TBCEL: variants seen among roughly 807,000 people sequenced by gnomAD.
The protein encoded by TBCEL is tubulin folding cofactor E like, also known as tubulin-specific chaperone cofactor E-like protein.
TBCEL carries 15 observed loss-of-function variants against 44.2 expected under a neutral mutation model. The observed-to-expected ratio is 0.34, with a 90% confidence interval of 0.23 to 0.52. TBCEL has a LOEUF of 0.52. Among genes scored for constraint, TBCEL ranks in the 20% least tolerant of loss-of-function variants. The pLI is 0.95. For synonymous variants in TBCEL, 171 were observed against 185.4 expected (o/e 0.92, Z 0.63); for missense variants, 319 against 506.3 (o/e 0.63, Z 3.55).
intron 8 of TBCEL, among the ~76,000 whole-genome samples, chr11:121,074,407 C>A (rs1227375773): frequency 6.6e-6 from 1 of 151,920 alleles, no homozygotes; most frequent in African/African-American, 2.4e-5. Context: ...TCTATGTTTT[C>A]TTTTTCATTT....
chr11:121,062,876 C>G (rs1175300281), intron 8 of TBCEL, among the ~76,000 whole-genome samples: 1 of 152,196 alleles, frequency 6.6e-6, no homozygotes, highest in Non-Finnish European at 1.5e-5. Flanking sequence ...ACATGCTGGA[C>G]TTTACCACTG....
At chr11:121,025,549 A>G (rs116383775) in intron 1 of TBCEL, among the ~76,000 whole-genome samples, 1,519 of 151,740 alleles carry the variant, frequency 0.01, 20 homozygotes, top group African/African-American at 0.03. Flanking sequence ...ATTATATTCC[A>G]CCCTCTTGCA....
chr11:121,059,509 A>G (rs1289935731), intron 7 of TBCEL, among the ~76,000 whole-genome samples: 1 of 151,952 alleles, frequency 6.6e-6, no homozygotes, highest in East Asian at 1.9e-4. Context: ...GATTTCAAAT[A>G]TTTTATATGA....
chr11:121,084,514 A>T (rs1049956765), intron 8 of TBCEL, among the ~76,000 whole-genome samples: 2 of 151,966 alleles, frequency 1.3e-5, no homozygotes, highest in Non-Finnish European at 2.9e-5. Flanking sequence ...TTGCTGTGAT[A>T]TGCGCTCAGT....
chr11:121,086,880 G>A lies in TBCEL; in HGVS notation c.1059G>A (p.Gln353=). ...AAGTAGAAGTCCACTTTAACGATCA[G>A]GTGGAAGAAATGAGCATTCGTCTGG... ...SAKVEVHFND[Q]VEEMSIRLDQ... The change falls in exon 9 of 9, where the codon CAG becomes CAA. Residue 353 remains glutamine, a synonymous_variant. Transcript: ENST00000683345. The A allele has an allele frequency of 6.2e-7, 1 of 1,614,034 alleles. No individual in the cohort carries two copies. Among genetic ancestry groups the A allele is most frequent in the South Asian group, 1.1e-5 (1 of 91,080 alleles).
chr11:121,037,026 G>A (rs941658522), intron 2 of TBCEL, among the ~76,000 whole-genome samples: 6 of 152,162 alleles, frequency 3.9e-5, no homozygotes, highest in African/African-American at 1.4e-4. Context: ...ATGGCTGATT[G>A]ATAGCATAAT....
chr11:121,050,991 A>G (rs553333616), intron 4 of TBCEL, among the ~76,000 whole-genome samples: 53 of 151,746 alleles, frequency 3.5e-4, no homozygotes, highest in Non-Finnish European at 6.9e-4. Flanking sequence ...TTTTTCTGTC[A>G]TAAGTAAATT....
intron 6 of TBCEL, among the ~76,000 whole-genome samples, chr11:121,055,999 C>G (rs568635811): frequency 2.7e-5 from 4 of 148,466 alleles, no homozygotes; most frequent in African/African-American, 7.7e-5. Flanking sequence ...TGTTATCACT[C>G]AAGTCCATAA....
intron 2 of TBCEL, among the ~76,000 whole-genome samples, chr11:121,044,832 A>G (rs1453306687): frequency 1.3e-5 from 2 of 152,150 alleles, no homozygotes; most frequent in Non-Finnish European, 2.9e-5. Flanking sequence ...CAGAACCAAA[A>G]GAGATGACAT....
At chr11:121,034,338 G>A in intron 1 of TBCEL, among the ~76,000 whole-genome samples, 1 of 152,110 alleles carries the variant, frequency 6.6e-6, no homozygotes, top group East Asian at 1.9e-4. Context: ...CATATATTCA[G>A]TATGAAATCT....
At chr11:121,032,024 T>C (rs1945155181) in intron 1 of TBCEL, among the ~76,000 whole-genome samples, 1 of 152,226 alleles carries the variant, frequency 6.6e-6, no homozygotes, top group Non-Finnish European at 1.5e-5. Flanking sequence ...ATGAAATATT[T>C]CCCTAAATCA....
rs1025639601 is a variant in TBCEL, at chr11:121,088,515, G to T, written c.*1419G>T. The T allele has an allele frequency of 1.3e-5, 2 of 152,160 alleles. No homozygotes were observed. Among genetic ancestry groups the T allele is most frequent in the Non-Finnish European group, 2.9e-5 (2 of 68,028 alleles). The allele number at this position is 152,160 out of a possible 1,614,324, so 9.4% of individuals were successfully genotyped here. A position where few individuals can be genotyped will look rare whatever the true frequency, so the allele number is the denominator to read the frequency against. ...TTTTTCTTGGTCCACCATGTTTACA[G>T]ATGGGAGACTTGAGAGATACTTAGC... On this transcript the variant is annotated 3_prime_UTR_variant, in exon 9 of 9. Coordinates refer to ENST00000683345, the MANE Select transcript of TBCEL (RefSeq NM_001363644.2).
chr11:121,045,576 C>T (rs1354030371), intron 2 of TBCEL, 98 bp from the exon 3 acceptor site: 1 of 955,224 alleles, frequency 1.0e-6, no homozygotes, highest in Non-Finnish European at 1.5e-6. Context: ...CTTGCAATGC[C>T]TAGTCTAGTA....
intron 2 of TBCEL, among the ~76,000 whole-genome samples, chr11:121,039,995 T>G (rs1212822916): frequency 6.6e-6 from 1 of 152,230 alleles, no homozygotes; most frequent in Non-Finnish European, 1.5e-5. Context: ...TTTCTCCATT[T>G]TTGTGAAAGC....
At chr11:121,050,802 A>G (rs931699385) in intron 4 of TBCEL, among the ~76,000 whole-genome samples, 4 of 151,694 alleles carry the variant, frequency 2.6e-5, no homozygotes, top group Non-Finnish European at 5.9e-5. Flanking sequence ...AGGGTCCCCT[A>G]TTACATCATA....
At chr11:121,065,986 T>C (rs1202044374) in intron 8 of TBCEL, among the ~76,000 whole-genome samples, 1 of 152,220 alleles carries the variant, frequency 6.6e-6, no homozygotes, top group Non-Finnish European at 1.5e-5. Flanking sequence ...ACCAGTTTCT[T>C]AGTGCAAACA....
intron 8 of TBCEL, among the ~76,000 whole-genome samples, chr11:121,062,234 A>T (rs1282016741): frequency 6.6e-6 from 1 of 152,084 alleles, no homozygotes; most frequent in Admixed American, 6.6e-5. Context: ...ATCTCCTATG[A>T]TAGTAGTGCC....
chr11:121,057,006 A>G (rs1351837660), intron 6 of TBCEL, among the ~76,000 whole-genome samples: 1 of 151,882 alleles, frequency 6.6e-6, no homozygotes, highest in Non-Finnish European at 1.5e-5. Context: ...ACTCTAACCT[A>G]CAACTGAAGA....
chr11:121,028,712 ACAT>A (rs1218628165), intron 1 of TBCEL, among the ~76,000 whole-genome samples: 2 of 152,250 alleles, frequency 1.3e-5, no homozygotes, highest in Non-Finnish European at 2.9e-5. Flanking sequence ...TAATAATAAA[ACAT>A]CATGAAGAGA....
Sources: allele counts gnomAD v4.1 joint callset (sites outside exome capture counted in the v4.1 genomes callset), GRCh38; gene constraint gnomAD v4.1.1; transcripts MANE v1.5; gene names NCBI Gene and HGNC (gene_info 2026-07-23, HGNC 2026-07-21).